Variants in COL23A1 observed in about 807,000 individuals in gnomAD.
The protein encoded by COL23A1 is collagen alpha-1(XXIII) chain.
In COL23A1, 97 loss-of-function variants were observed where a neutral mutation model predicts 99.3. The ratio of observed to expected loss-of-function variants is 0.98; its 90% CI spans 0.83 to 1.16. COL23A1 has a LOEUF of 1.16. COL23A1 is among the 50% of genes most tolerant of loss of function. The pLI is 0.00. For synonymous variants in COL23A1, 320 were observed against 308.2 expected, an observed-to-expected ratio of 1.04 and a Z score of -0.40; for missense variants, 762 against 757.4, an observed-to-expected ratio of 1.01 and a Z score of -0.07.
chr5:178,388,453 T>C (rs1248663411), intron 2 of COL23A1, among the ~76,000 whole-genome samples: 1 of 152,216 alleles, frequency 6.6e-6, no homozygotes, highest in Non-Finnish European at 1.5e-5. Flanking sequence ...AGCAAGTGAC[T>C]TACATTTACT....
chr5:178,467,525 T>C (rs1353917346), intron 2 of COL23A1, among the ~76,000 whole-genome samples: 1 of 152,126 alleles, frequency 6.6e-6, no homozygotes, highest in African/African-American at 2.4e-5. Context: ...TGTGTTGTCT[T>C]GTTTAGGGGG....
chr5:178,327,888 C>G (rs1759782662), intron 2 of COL23A1, among the ~76,000 whole-genome samples: 1 of 152,204 alleles, frequency 6.6e-6, no homozygotes, highest in African/African-American at 2.4e-5. Context: ...AAGCTGCTCT[C>G]CCTGTGTGGG....
At chr5:178,581,736 A>ATAG (rs1763671714) in intron 1 of COL23A1, among the ~76,000 whole-genome samples, 1 of 152,108 alleles carries the variant, frequency 6.6e-6, no homozygotes, top group African/African-American at 2.4e-5. Flanking sequence ...TGCCACGTTG[A>ATAG]TAGTAGGATG....
rs976214955 is a variant in COL23A1 at position 178,365,026 on chromosome 5, G to A, written c.362-58107C>T. On this transcript the variant is annotated intron_variant, in intron 2 of 28. Coordinates refer to ENST00000390654, the MANE Select transcript of COL23A1 (RefSeq NM_173465.4). The surrounding 1 kb of genome is among the most constrained non-coding windows in gnomAD (Gnocchi z 5.2). ...AAGCAATGGGCTCTTCCTGTCAGGC[G>A]AATAAACAGATGCACAAGCAGATAC... Among the ~76,000 whole-genome samples, 3 of 152,126 alleles carry A rather than the reference G, an allele frequency of 2.0e-5. No homozygotes were observed. Among genetic ancestry groups the A allele is most frequent in the South Asian group, 2.1e-4 (1 of 4,824 alleles).
chr5:178,462,530 G>A (rs775546813), intron 2 of COL23A1, among the ~76,000 whole-genome samples: 2 of 152,100 alleles, frequency 1.3e-5, no homozygotes, highest in African/African-American at 4.8e-5. Flanking sequence ...TAAGAGCTTC[G>A]AGTTTCTATA....
intron 2 of COL23A1, chr5:178,443,058 C>T (rs1766965846): frequency 1.3e-5 from 2 of 152,280 alleles, no homozygotes; most frequent in South Asian, 2.1e-4. Context: ...AGTGGGGTCT[C>T]GCTGTCCCAC....
chr5:178,550,501 C>T (rs1319076336), intron 2 of COL23A1, among the ~76,000 whole-genome samples: 2 of 152,158 alleles, frequency 1.3e-5, no homozygotes, highest in African/African-American at 2.4e-5. Flanking sequence ...TTGAGAAGCA[C>T]GGCTTTATGG....
chr5:178,507,427 C>A (rs563635316), intron 2 of COL23A1, among the ~76,000 whole-genome samples: 1 of 152,260 alleles, frequency 6.6e-6, no homozygotes, highest in African/African-American at 2.4e-5. Context: ...CTCCCCCTCA[C>A]TGTGAAACCG....
At chr5:178,383,609 G>A (rs1216388995) in intron 2 of COL23A1, among the ~76,000 whole-genome samples, 1 of 152,204 alleles carries the variant, frequency 6.6e-6, no homozygotes. Context: ...GGTTGGAGAA[G>A]CCCCCCATCA....
chr5:178,281,292 G>C lies in COL23A1; in HGVS notation c.441+7032C>G, dbSNP rs1159436326. On this transcript the variant is annotated intron_variant, in intron 5 of 28. Transcript: ENST00000390654. The surrounding 1 kb of genome is among the most constrained non-coding windows in gnomAD (Gnocchi z 4.0). ...GTTTTTGAACTACAAGAGTGCAAGA[G>C]AGCGTGTGAACGTGCGGTGCTCCAT... 1.3e-5 allele frequency among the ~76,000 whole-genome samples: 2 copies of C among 152,230 alleles called. No individual in the cohort carries two copies. Among genetic ancestry groups the C allele is most frequent in the East Asian group, 3.8e-4 (2 of 5,204 alleles).
At chr5:178,571,634 T>C (rs575857392) in intron 1 of COL23A1, among the ~76,000 whole-genome samples, 1 of 152,218 alleles carries the variant, frequency 6.6e-6, no homozygotes, top group East Asian at 1.9e-4. Context: ...ATAGGCCCTA[T>C]GATGAACAAA....
At chr5:178,250,978 CAAAA>C (rs558621690) in intron 17 of COL23A1, among the ~76,000 whole-genome samples, 20 of 72,100 alleles carry the variant, frequency 2.8e-4, no homozygotes, top group South Asian at 6.6e-4. Flanking sequence ...GACTCCGTCT[CAAAA>C]AAAAAAAAAA....
intron 1 of COL23A1, chr5:178,562,057 G>A: frequency 1.9e-6 from 1 of 533,338 alleles, no homozygotes. Context: ...GTTGGTTCCT[G>A]CCGGTGGGTT....
chr5:178,352,106 G>T (rs1245732181), intron 2 of COL23A1: 1 of 152,240 alleles, frequency 6.6e-6, no homozygotes, highest in African/African-American at 2.4e-5. Flanking sequence ...CCCTAAGCTA[G>T]ATACTTTCAT....
intron 1 of COL23A1, among the ~76,000 whole-genome samples, chr5:178,564,191 C>T (rs1006917418): frequency 9.9e-5 from 15 of 152,132 alleles, no homozygotes; most frequent in Non-Finnish European, 1.6e-4. Context: ...TTAATGCTAG[C>T]GGCGGGATCA....
chr5:178,510,691 TA>T (rs1272665765), intron 2 of COL23A1, among the ~76,000 whole-genome samples: 1 of 64,022 alleles, frequency 1.6e-5, no homozygotes, highest in Non-Finnish European at 4.0e-5. Flanking sequence ...AAAATAAAAA[TA>T]AAAAATAAAA....
chr5:178,262,399 C>A, intron 9 of COL23A1, 147 bp from the exon 10 acceptor site: 1 of 722,042 alleles, frequency 1.4e-6, no homozygotes, highest in Non-Finnish European at 2.3e-6. Flanking sequence ...ATCACTGTCC[C>A]CACTCCACAG....
chr5:178,399,714 A>C (rs1764334526), intron 2 of COL23A1, among the ~76,000 whole-genome samples: 1 of 152,224 alleles, frequency 6.6e-6, no homozygotes. Context: ...AAAACAGAGC[A>C]TCAAAAGGAG....
In COL23A1 at chr5:178,589,904, C is replaced by A; in HGVS notation, c.294G>T (p.Glu98Asp). Reference sequence around the variant, plus strand: ...CCCAGCCACGCGCCAAGACGCTCACCTCCCGCAGCAGGCGCTCCAGGTGCG... The same window carrying A: ...CCCAGCCACGCGCCAAGACGCTCACATCCCGCAGCAGGCGCTCCAGGTGCG... ...AEPHLERLLR[E>D]KLDGLAKIRT... Residue 98 changes from glutamate (E) to aspartate (D), a missense_variant and splice_region_variant, in exon 1 of 29, where the codon GAG becomes GAT. Transcript: ENST00000390654. This position sits in a 1 kb window ranked among gnomAD's most constrained non-coding sequence, Gnocchi z 5.4. 7.6e-7 allele frequency: 1 copy of A among 1,314,346 alleles called. No homozygotes were observed. The highest frequency in any genetic ancestry group is 9.6e-7 in the Non-Finnish European group (1 of 1,037,782). 81.4% of individuals were successfully genotyped at this position (1,314,346 alleles called of 1,614,324 possible).
Sources: gnomAD v4.1 joint callset for allele counts (sites outside exome capture counted in the v4.1 genomes callset) on GRCh38, gnomAD v4.1.1 for gene constraint, Gnocchi (gnomAD v3.1) non-coding constraint, MANE v1.5 for transcripts, NCBI Gene and HGNC (gene_info 2026-07-23, HGNC 2026-07-21) for gene names.